The following CGNL1 variants were observed in gnomAD, a reference collection of about 807,000 sequenced individuals.
CGNL1 encodes the protein cingulin like 1.
A neutral mutation model predicts 141.2 loss-of-function variants in CGNL1; 132 were observed. The ratio of observed to expected loss-of-function variants is 0.93; its 90% CI spans 0.81 to 1.08. CGNL1 has a LOEUF of 1.08. CGNL1 is among the 50% of genes least tolerant of loss of function. CGNL1 has a pLI of 0.00. For synonymous variants in CGNL1, 690 were observed against 622.1 expected (o/e 1.11, Z -1.63); for missense variants, 1,870 against 1,588.6 (o/e 1.18, Z -3.01).
chr15:57,473,468 A>G (rs1219233834), intron 8 of CGNL1, among the ~76,000 whole-genome samples: 2 of 152,258 alleles, frequency 1.3e-5, no homozygotes, highest in African/African-American at 4.8e-5. Context: ...AGGCATTTAC[A>G]GTAGCCCGTT....
At position 57,528,816 on chromosome 15, in the gene CGNL1, G is replaced by A; in HGVS notation, c.3201+1G>A. 6.2e-7 allele frequency: 1 copy of A among 1,613,458 alleles called. No homozygotes were observed. The highest frequency in any genetic ancestry group is 8.5e-7 in the Non-Finnish European group (1 of 1,179,844). ...CAGCAGGCTGGTCAAGCAGATGGAGGTCTGTGGGCCGTACAGTGTGAGCTG... is the reference window on the plus strand; with the variant it reads ...CAGCAGGCTGGTCAAGCAGATGGAGATCTGTGGGCCGTACAGTGTGAGCTG... On this transcript the variant is annotated splice_donor_variant, in intron 13 of 18. Coordinates refer to ENST00000281282, the MANE Select transcript of CGNL1 (RefSeq NM_032866.5). LOFTEE classifies it high-confidence loss of function.
intron 14 of CGNL1, among the ~76,000 whole-genome samples, chr15:57,537,072 G>C (rs796309293): frequency 2.0e-5 from 3 of 152,342 alleles, no homozygotes; most frequent in African/African-American, 7.2e-5. Context: ...ATAGGCTGTT[G>C]TGCTGGCTCG....
intron 2 of CGNL1, among the ~76,000 whole-genome samples, 181 bp from the exon 3 acceptor site, chr15:57,440,188 TACCTATTA>T (rs1212171750): frequency 9.2e-5 from 14 of 151,582 alleles, no homozygotes; most frequent in African/African-American, 3.4e-4. Context: ...GTGCAGGTAG[TACCTATTA>T]ACCTCAATTT....
intron 8 of CGNL1, among the ~76,000 whole-genome samples, chr15:57,469,250 C>T (rs550298594): frequency 6.6e-6 from 1 of 151,376 alleles, no homozygotes; most frequent in Non-Finnish European, 1.5e-5. Context: ...GAGCAGGCAT[C>T]GTCTCTGGGT....
intron 1 of CGNL1, among the ~76,000 whole-genome samples, chr15:57,435,532 T>TAA (rs1490127490): frequency 1.3e-5 from 2 of 151,840 alleles, no homozygotes; most frequent in Non-Finnish European, 2.9e-5. Context: ...AATACTAGTA[T>TAA]AACTGAAAAT....
chr15:57,452,911 G>C (rs2063338522), intron 6 of CGNL1, among the ~76,000 whole-genome samples: 1 of 152,138 alleles, frequency 6.6e-6, no homozygotes, highest in Non-Finnish European at 1.5e-5. Context: ...AAGAAAAAGA[G>C]GACATTATAT....
At chr15:57,484,397 T>C (rs1275042673) in intron 8 of CGNL1, among the ~76,000 whole-genome samples, 1 of 152,342 alleles carries the variant, frequency 6.6e-6, no homozygotes, top group African/African-American at 2.4e-5. Context: ...TTGAGTTGTT[T>C]ATAGATGTCT....
intron 8 of CGNL1, among the ~76,000 whole-genome samples, chr15:57,496,848 A>AGAAT (rs1304112157): frequency 6.6e-6 from 1 of 152,172 alleles, no homozygotes; most frequent in Non-Finnish European, 1.5e-5. Flanking sequence ...ATGAGCCCAT[A>AGAAT]CATTCAAGAC....
chr15:57,512,324 A>T (rs1192260153), intron 8 of CGNL1, among the ~76,000 whole-genome samples: 1 of 152,150 alleles, frequency 6.6e-6, no homozygotes, highest in South Asian at 2.1e-4. Flanking sequence ...TGAATTAGGT[A>T]TGGTTTCAGG....
At chr15:57,386,898 TC>T (rs1193002847) in intron 1 of CGNL1, among the ~76,000 whole-genome samples, 4 of 152,224 alleles carry the variant, frequency 2.6e-5, no homozygotes, top group Non-Finnish European at 5.9e-5. Flanking sequence ...AAAGGATCTT[TC>T]TGGTTCTTGG....
chr15:57,408,936 A>T (rs1373497824), intron 1 of CGNL1, among the ~76,000 whole-genome samples: 1 of 151,894 alleles, frequency 6.6e-6, no homozygotes, highest in Non-Finnish European at 1.5e-5. Context: ...AGCTACTCAG[A>T]AGGCTGAGGC....
intron 13 of CGNL1, among the ~76,000 whole-genome samples, chr15:57,529,177 G>A (rs1458722334): frequency 3.9e-5 from 6 of 152,192 alleles, no homozygotes; most frequent in Non-Finnish European, 2.9e-5. Flanking sequence ...CCAGACTGCT[G>A]CATGTCCAGA....
chr15:57,452,309 C>T lies in CGNL1; in HGVS notation c.2054+20C>T. Reference sequence around the variant, plus strand: ...GGAGGAGTAAGTTCTGGGCTGAGAGCCTGTTGCCCTTCCCAGGTTCTCTAT... The same window carrying T: ...GGAGGAGTAAGTTCTGGGCTGAGAGTCTGTTGCCCTTCCCAGGTTCTCTAT... On this transcript the variant is annotated intron_variant, in intron 6 of 18. Coordinates refer to ENST00000281282, the MANE Select transcript of CGNL1 (RefSeq NM_032866.5). 2.5e-6 allele frequency: 4 copies of T among 1,605,210 alleles called. No individual in the cohort carries two copies. In the South Asian group the frequency reaches 3.4e-5, roughly 13 times the overall value.
chr15:57,465,639 C>T (rs1458323766), intron 8 of CGNL1, among the ~76,000 whole-genome samples: 3 of 146,724 alleles, frequency 2.0e-5, no homozygotes, highest in African/African-American at 7.3e-5. Flanking sequence ...GATCCGTCAG[C>T]TTCAACCTCC....
At position 57,549,191 on chromosome 15, in the gene CGNL1, G is replaced by C. The variant is rs2033007466; in HGVS notation, c.*1701G>C. Reference sequence around the variant, plus strand: ...TCCTGTGTCACTTCACAATGTGACAGTCCCCAGGCATGCCCACAGGCCAGG... The same window carrying C: ...TCCTGTGTCACTTCACAATGTGACACTCCCCAGGCATGCCCACAGGCCAGG... On this transcript the variant is annotated 3_prime_UTR_variant, in exon 19 of 19. Coordinates refer to ENST00000281282, the MANE Select transcript of CGNL1 (RefSeq NM_032866.5). 6.6e-6 allele frequency: 1 copy of C among 152,318 alleles called. No homozygotes were observed. The highest frequency in any genetic ancestry group is 2.1e-4 in the South Asian group (1 of 4,834). 9.4% of individuals were successfully genotyped at this position (152,318 alleles called of 1,614,324 possible). A position where few individuals can be genotyped will look rare whatever the true frequency, so the allele number is the denominator to read the frequency against.
At chr15:57,411,606 G>C (rs564846214) in intron 1 of CGNL1, among the ~76,000 whole-genome samples, 1 of 151,964 alleles carries the variant, frequency 6.6e-6, no homozygotes, top group South Asian at 2.1e-4. Context: ...ACCATGCCAG[G>C]CTAATTTTTT....
chr15:57,459,540 G>A (rs1210761857), intron 7 of CGNL1, among the ~76,000 whole-genome samples: 2 of 152,166 alleles, frequency 1.3e-5, no homozygotes, highest in Non-Finnish European at 2.9e-5. Flanking sequence ...AGATGGGCCT[G>A]AGAAGGGAGA....
rs1567183786 is a variant in CGNL1 at position 57,549,041 on chromosome 15, C to T, written c.*1551C>T. 6.6e-6 allele frequency: 1 copy of T among 152,394 alleles called. No homozygotes were observed. The allele number at this position is 152,394 out of a possible 1,614,324, so 9.4% of individuals were successfully genotyped here. ...CTTCCAACTTCCTGGAACAAAGCGA[C>T]ATCGCCAGCAGCAGGCTGGCAGGGA... is the stretch of plus-strand genomic sequence containing the variant. On this transcript the variant is annotated 3_prime_UTR_variant, in exon 19 of 19. Coordinates refer to ENST00000281282, the MANE Select transcript of CGNL1 (RefSeq NM_032866.5).
chr15:57,500,908 G>A (rs2064014655), intron 8 of CGNL1, among the ~76,000 whole-genome samples: 1 of 152,212 alleles, frequency 6.6e-6, no homozygotes, highest in African/African-American at 2.4e-5. Flanking sequence ...ACATTGTTAT[G>A]AATTGAGGCT....
Sources: gnomAD v4.1 joint callset for allele counts (sites outside exome capture counted in the v4.1 genomes callset) on GRCh38, gnomAD v4.1.1 for gene constraint, MANE v1.5 for transcripts, NCBI Gene and HGNC (gene_info 2026-07-23, HGNC 2026-07-21) for gene names.